The following CSMD1 variants were observed in gnomAD, a reference collection of about 807,000 sequenced individuals.
The protein encoded by CSMD1 is CUB and Sushi multiple domains 1.
CSMD1 carries 213 observed loss-of-function variants against 417.5 expected under a neutral mutation model. The ratio of observed to expected loss-of-function variants is 0.51; its 90% CI spans 0.46 to 0.57. The LOEUF (loss-of-function observed/expected upper bound fraction) is 0.57, where lower values mean the gene tolerates loss of function less well. Ranked by LOEUF, CSMD1 falls within the 20% of genes least tolerant of loss-of-function variation. CSMD1 has a pLI of 0.00. For synonymous variants in CSMD1, 2,862 were observed against 1,736.8 expected (o/e 1.65, Z -16.11); for missense variants, 6,923 against 4,529.7 (o/e 1.53, Z -15.17).
intron 68 of CSMD1, among the ~76,000 whole-genome samples, chr8:2,944,625 C>A (rs1015337593): frequency 2.0e-5 from 3 of 152,054 alleles, no homozygotes; most frequent in African/African-American, 7.2e-5. Context: ...GGTAGCTTTC[C>A]TCTTGACTCC....
chr8:4,102,823 C>T (rs566805847), intron 3 of CSMD1, among the ~76,000 whole-genome samples: 1 of 152,276 alleles, frequency 6.6e-6, no homozygotes, highest in Admixed American at 6.5e-5. Flanking sequence ...AGCCCGCATT[C>T]ATATCCTGCT....
chr8:4,809,695 T>C (rs893881285), intron 1 of CSMD1, among the ~76,000 whole-genome samples: 8 of 152,222 alleles, frequency 5.3e-5, no homozygotes, highest in African/African-American at 1.2e-4. Flanking sequence ...GAGTTTGATA[T>C]CTAGCCTAGC....
At chr8:3,682,581 G>C (rs139539131) in intron 7 of CSMD1, among the ~76,000 whole-genome samples, 4 of 152,088 alleles carry the variant, frequency 2.6e-5, no homozygotes, top group South Asian at 2.1e-4. Context: ...GGAACACTTT[G>C]ACACTGTTGG....
At chr8:4,798,060 C>G (rs528903739) in intron 1 of CSMD1, among the ~76,000 whole-genome samples, 1 of 152,158 alleles carries the variant, frequency 6.6e-6, no homozygotes, top group Admixed American at 6.5e-5. Context: ...ATGCGCACAA[C>G]GTGCAGGTTT....
At chr8:2,985,464 C>A (rs886204753) in intron 54 of CSMD1, among the ~76,000 whole-genome samples, 2 of 150,232 alleles carry the variant, frequency 1.3e-5, no homozygotes, top group Non-Finnish European at 3.0e-5. Flanking sequence ...AGGGAGGAGA[C>A]TGGTGTGATA....
At chr8:4,178,191 G>C (rs945565757) in intron 3 of CSMD1, among the ~76,000 whole-genome samples, 2 of 152,142 alleles carry the variant, frequency 1.3e-5, no homozygotes, top group African/African-American at 2.4e-5. Context: ...ATACGATACT[G>C]GCAGACCGAA....
At chr8:4,495,919 T>C (rs2130246775) in intron 2 of CSMD1, among the ~76,000 whole-genome samples, 1 of 152,310 alleles carries the variant, frequency 6.6e-6, no homozygotes. Flanking sequence ...CAGGTTAGGA[T>C]AAATTCTATA....
chr8:3,734,009 A>T (rs777017811), intron 6 of CSMD1, among the ~76,000 whole-genome samples: 1 of 152,082 alleles, frequency 6.6e-6, no homozygotes, highest in African/African-American at 2.4e-5. Context: ...CAAGGGTGTG[A>T]GTGTGTATAT....
chr8:4,012,265 G>C (rs1816599359), intron 4 of CSMD1, among the ~76,000 whole-genome samples: 1 of 151,798 alleles, frequency 6.6e-6, no homozygotes. Context: ...TAATCTTATT[G>C]GCCAGTTCTT....
intron 1 of CSMD1, among the ~76,000 whole-genome samples, chr8:4,855,788 T>C (rs1431571604): frequency 9.2e-5 from 14 of 151,642 alleles, no homozygotes; most frequent in Admixed American, 7.2e-4. Context: ...CTACGTCTGA[T>C]TGGTGTACCT....
intron 1 of CSMD1, among the ~76,000 whole-genome samples, chr8:4,756,070 A>G (rs1269929730): frequency 6.6e-6 from 1 of 152,246 alleles, no homozygotes; most frequent in African/African-American, 2.4e-5. Flanking sequence ...TTTTTAAAAC[A>G]AAGACCTTTA....
chr8:3,013,527 G>C (rs769369797), intron 52 of CSMD1, among the ~76,000 whole-genome samples: 3 of 152,182 alleles, frequency 2.0e-5, no homozygotes, highest in Non-Finnish European at 4.4e-5. Flanking sequence ...AAGGCGGGCA[G>C]ATCACCCAAG....
At chr8:3,988,855 A>G (rs1321902845) in intron 5 of CSMD1, among the ~76,000 whole-genome samples, 1 of 152,202 alleles carries the variant, frequency 6.6e-6, no homozygotes, top group African/African-American at 2.4e-5. Flanking sequence ...TTAAAGTGAT[A>G]TTATTACTGT....
At chr8:3,285,270 A>G (rs1208735223) in intron 25 of CSMD1, among the ~76,000 whole-genome samples, 1 of 152,210 alleles carries the variant, frequency 6.6e-6, no homozygotes, top group Non-Finnish European at 1.5e-5. Context: ...CACCCTGTGT[A>G]AGGTATGGAA....
At chr8:4,700,255 G>C (rs1353167529) in intron 1 of CSMD1, among the ~76,000 whole-genome samples, 1 of 151,988 alleles carries the variant, frequency 6.6e-6, no homozygotes, top group Non-Finnish European at 1.5e-5. Flanking sequence ...TTGTTTTCTA[G>C]CAGGAAAGGT....
intron 3 of CSMD1, among the ~76,000 whole-genome samples, chr8:4,410,681 G>A (rs1268660908): frequency 2.6e-5 from 4 of 151,924 alleles, no homozygotes; most frequent in East Asian, 1.9e-4. Context: ...AGAGTATACT[G>A]GAAAAAAATT....
intron 5 of CSMD1, among the ~76,000 whole-genome samples, chr8:3,842,182 G>A (rs942145034): frequency 7.9e-5 from 12 of 152,068 alleles, no homozygotes; most frequent in Non-Finnish European, 1.0e-4. Flanking sequence ...CGTTTTCCTA[G>A]CATCATTGTA....
intron 7 of CSMD1, among the ~76,000 whole-genome samples, chr8:3,635,634 C>T (rs1797000711): frequency 6.6e-6 from 1 of 151,468 alleles, no homozygotes; most frequent in Non-Finnish European, 1.5e-5. Context: ...CAGGCGCCAG[C>T]CACCATGCCT....
chr8:3,563,356 A>G (rs1300231592), intron 10 of CSMD1, among the ~76,000 whole-genome samples: 7 of 148,990 alleles, frequency 4.7e-5, no homozygotes, highest in African/African-American at 1.7e-4. Context: ...TATCATTACT[A>G]TTGTATTTAA....
Sources: allele counts gnomAD v4.1 joint callset (sites outside exome capture counted in the v4.1 genomes callset), GRCh38; gene constraint gnomAD v4.1.1; transcripts MANE v1.5; gene names NCBI Gene and HGNC (gene_info 2026-07-23, HGNC 2026-07-21).